MAP3K2: variants seen among roughly 807,000 people sequenced by gnomAD.
MAP3K2 encodes mitogen-activated protein kinase kinase kinase 2, also known as MAP/ERK kinase kinase 2.
A neutral mutation model predicts 80.3 loss-of-function variants in MAP3K2; 24 were observed. That is an observed-to-expected ratio of 0.30 (90% confidence interval 0.22 to 0.42). The LOEUF is 0.42. Ranked by LOEUF, MAP3K2 falls within the 10% of genes least tolerant of loss-of-function variation. The pLI, the probability that MAP3K2 is intolerant of heterozygous loss-of-function variation, is 1.00. For synonymous variants in MAP3K2, 244 were observed against 253.7 expected (o/e 0.96, Z 0.36); for missense variants, 608 against 750.1 (o/e 0.81, Z 2.21).
intron 4 of MAP3K2, among the ~76,000 whole-genome samples, chr2:127,336,751 G>A (rs956637185): frequency 6.6e-6 from 1 of 152,212 alleles, no homozygotes. Context: ...TTTCTATGTA[G>A]AATATGCTTA....
chr2:127,307,603 C>T lies in MAP3K2; in HGVS notation c.1836G>A (p.Arg612=), dbSNP rs1278317160. Reference sequence around the variant, plus strand: ...GCTAGTGATAATGCACAAACATGTGCCTTAAGAGTTCATCAGCTGAAGGTC... The same window carrying T: ...GCTAGTGATAATGCACAAACATGTGTCTTAAGAGTTCATCAGCTGAAGGTC... ...KLRPSADELL[R]HMFVHYH Residue 612 remains arginine, a synonymous_variant, in exon 17 of 17, where the codon AGG becomes AGA. Coordinates refer to ENST00000682094, the MANE Select transcript of MAP3K2 (RefSeq NM_001371910.2). This position sits in a 1 kb window ranked among gnomAD's most constrained non-coding sequence, Gnocchi z 5.4. 11 of 1,573,226 alleles carry T rather than the reference C, an allele frequency of 7.0e-6. No individual in the cohort carries two copies. The highest frequency in any genetic ancestry group is 3.5e-5 in the South Asian group (3 of 85,636).
chr2:127,360,482 C>CT (rs1249009890), intron 1 of MAP3K2, among the ~76,000 whole-genome samples: 1 of 151,974 alleles, frequency 6.6e-6, no homozygotes, highest in African/African-American at 2.4e-5. Context: ...AATATGTTCA[C>CT]TATCTTATTT....
intron 1 of MAP3K2, among the ~76,000 whole-genome samples, chr2:127,363,745 T>A (rs781113440): frequency 3.9e-5 from 6 of 152,182 alleles, no homozygotes; most frequent in African/African-American, 1.4e-4. Context: ...CTCTGTCACC[T>A]AGCCTGGCTC....
rs374370640 is a variant in MAP3K2, at chr2:127,345,853, T to C, written c.-65-2659A>G. Among the ~76,000 whole-genome samples, 10 of 152,268 alleles carry C rather than the reference T, an allele frequency of 6.6e-5. No individual in the cohort carries two copies. The East Asian group carries it at 1.7e-3, about 26-fold the overall frequency. On this transcript the variant is annotated intron_variant, in intron 1 of 16. Coordinates refer to ENST00000682094, the MANE Select transcript of MAP3K2 (RefSeq NM_001371910.2). Reference sequence around the variant, plus strand: ...ACACATCAAAACAAAATGTATTGGATGCATCTAAAGATAAAATTTATAACT... The same window carrying C: ...ACACATCAAAACAAAATGTATTGGACGCATCTAAAGATAAAATTTATAACT...
intron 1 of MAP3K2, among the ~76,000 whole-genome samples, chr2:127,381,924 G>T (rs1163458333): frequency 5.0e-5 from 3 of 60,148 alleles, no homozygotes; most frequent in Admixed American, 5.9e-4. Flanking sequence ...ATGACGGGGG[G>T]AGGGGGGTGG....
At chr2:127,373,737 C>T (rs970920928) in intron 1 of MAP3K2, among the ~76,000 whole-genome samples, 1 of 152,310 alleles carries the variant, frequency 6.6e-6, no homozygotes, top group Middle Eastern at 3.4e-3. Flanking sequence ...TTTTTGCTCA[C>T]ATACCGGGAC....
chr2:127,340,641 A>G (rs1217272640), intron 2 of MAP3K2, among the ~76,000 whole-genome samples: 1 of 151,830 alleles, frequency 6.6e-6, no homozygotes, highest in Non-Finnish European at 1.5e-5. Context: ...TGAGCAACAG[A>G]GCATGAATCT....
chr2:127,314,780 T>TTAC lies in MAP3K2; in HGVS notation c.1427_1429dup (p.Ser476dup). On this transcript the variant is annotated inframe_insertion, in exon 15 of 17. Transcript: ENST00000682094. ...TTTGATATCTCTATGGACAATCATATTACTGTGCAAATAATGGACACCCTC... is the reference window on the plus strand; with the variant it reads ...TTTGATATCTCTATGGACAATCATATTACTACTGTGCAAATAATGGACACCCTC... 1 of 1,610,182 alleles carries TTAC rather than the reference T, an allele frequency of 6.2e-7. No individual in the cohort carries two copies. Among genetic ancestry groups the TTAC allele is most frequent in the Non-Finnish European group, 8.5e-7 (1 of 1,176,544 alleles).
chr2:127,347,302 C>T (rs1184417261), intron 1 of MAP3K2, among the ~76,000 whole-genome samples: 1 of 152,026 alleles, frequency 6.6e-6, no homozygotes, highest in Non-Finnish European at 1.5e-5. Context: ...AAACTATACC[C>T]ATTTGCAAGT....
At chr2:127,362,072 T>C (rs1276573363) in intron 1 of MAP3K2, among the ~76,000 whole-genome samples, 4 of 152,214 alleles carry the variant, frequency 2.6e-5, no homozygotes, top group Non-Finnish European at 4.4e-5. Context: ...ACTCAGACAA[T>C]ATATTTGTAA....
intron 15 of MAP3K2, among the ~76,000 whole-genome samples, chr2:127,313,393 T>C (rs1453146134): frequency 6.6e-6 from 1 of 152,230 alleles, no homozygotes; most frequent in East Asian, 1.9e-4. Context: ...TCATGAGCAA[T>C]GTCCCCATCT....
intron 1 of MAP3K2, among the ~76,000 whole-genome samples, chr2:127,354,871 G>A (rs996394814): frequency 6.6e-6 from 1 of 151,860 alleles, no homozygotes; most frequent in African/African-American, 2.4e-5. Context: ...GCTAAGTGGA[G>A]GCATGGAAGA....
chr2:127,308,784 A>C, intron 15 of MAP3K2, 22 bp from the exon 16 acceptor site: 1 of 1,603,136 alleles, frequency 6.2e-7, no homozygotes, highest in Non-Finnish European at 8.5e-7. Flanking sequence ...ACATTGCCTC[A>C]TTTCATTAAT....
At chr2:127,328,487 T>C (rs1320379683) in intron 7 of MAP3K2, among the ~76,000 whole-genome samples, 1 of 152,214 alleles carries the variant, frequency 6.6e-6, no homozygotes, top group Non-Finnish European at 1.5e-5. Context: ...TCCCATGATT[T>C]AAAGATGAAG....
intron 1 of MAP3K2, among the ~76,000 whole-genome samples, chr2:127,360,416 A>G (rs1490676238): frequency 6.6e-6 from 1 of 152,016 alleles, no homozygotes; most frequent in Non-Finnish European, 1.5e-5. Context: ...AACAACGGAT[A>G]GAGGTAAGAC....
chr2:127,327,112 G>A (rs1420653480), intron 7 of MAP3K2, among the ~76,000 whole-genome samples: 1 of 152,104 alleles, frequency 6.6e-6, no homozygotes, highest in East Asian at 1.9e-4. Flanking sequence ...CTGGCATTAA[G>A]ACAGTTTATT....
Position 127,300,575 on chromosome 2 carries a change from A to G in MAP3K2, c.*7004T>C, listed in dbSNP as rs532647369. 1.3e-5 allele frequency: 2 copies of G among 152,348 alleles called. No homozygotes were observed. The highest frequency in any genetic ancestry group is 1.3e-4 in the Admixed American group (2 of 15,308). The allele number at this position is 152,348 out of a possible 1,614,324, so 9.4% of individuals were successfully genotyped here. Reference sequence around the variant, plus strand: ...TGAAATGTAAGAGATGTCAGACATTAAAAGTATTTTTGGTATTAACTCTTA... The same window carrying G: ...TGAAATGTAAGAGATGTCAGACATTGAAAGTATTTTTGGTATTAACTCTTA... On this transcript the variant is annotated 3_prime_UTR_variant, in exon 17 of 17. Transcript: ENST00000682094.
In MAP3K2 at chr2:127,339,584, C is replaced by G. The variant is rs1686438159; in HGVS notation, c.5-534G>C. Among the ~76,000 whole-genome samples, 1 of 152,098 alleles carries G rather than the reference C, an allele frequency of 6.6e-6. No homozygotes were observed. The highest frequency in any genetic ancestry group is 2.4e-5 in the African/African-American group (1 of 41,414). ...GAAATGCTCTTTCAAACTTCTTCAC[C>G]ATAAGGTTTGACAAGACTAAAAACA... On this transcript the variant is annotated intron_variant, in intron 2 of 16. Coordinates refer to ENST00000682094, the MANE Select transcript of MAP3K2 (RefSeq NM_001371910.2). This position sits in a 1 kb window ranked among gnomAD's most constrained non-coding sequence, Gnocchi z 4.2.
intron 1 of MAP3K2, among the ~76,000 whole-genome samples, chr2:127,362,030 G>A (rs989624695): frequency 2.0e-5 from 3 of 152,042 alleles, no homozygotes; most frequent in African/African-American, 4.8e-5. Flanking sequence ...AACTCTAAGC[G>A]GCAAATTGAT....
Sources: allele counts gnomAD v4.1 joint callset (sites outside exome capture counted in the v4.1 genomes callset), GRCh38; gene constraint gnomAD v4.1.1; non-coding constraint Gnocchi (gnomAD v3.1); transcripts MANE v1.5; gene names NCBI Gene and HGNC (gene_info 2026-07-23, HGNC 2026-07-21).